Variants in ELAVL2 observed in about 807,000 individuals in gnomAD.
ELAVL2 encodes the protein ELAV like RNA binding protein 2.
In ELAVL2, 4 loss-of-function variants were observed where a neutral mutation model predicts 34.6. The observed-to-expected ratio is 0.12, with a 90% CI of 0.06 to 0.26. The LOEUF (loss-of-function observed/expected upper bound fraction) is 0.26, where lower values mean the gene tolerates loss of function less well. Ranked by LOEUF, ELAVL2 falls within the 10% of genes least tolerant of loss-of-function variation. ELAVL2 has a pLI of 1.00. For missense variants in ELAVL2, 432 were observed against 442.8 expected, an observed-to-expected ratio of 0.98 and a Z score of 0.22; for synonymous variants, 193 against 154.8, an observed-to-expected ratio of 1.25 and a Z score of -1.83.
At chr9:23,728,963 G>A (rs1347369416) in intron 3 of ELAVL2, among the ~76,000 whole-genome samples, 3 of 152,094 alleles carry the variant, frequency 2.0e-5, no homozygotes, top group African/African-American at 7.2e-5. Flanking sequence ...ATCAGAAACT[G>A]ATGTCACACT....
intron 1 of ELAVL2, among the ~76,000 whole-genome samples, chr9:23,808,548 A>C (rs1344051093): frequency 6.6e-6 from 1 of 152,166 alleles, no homozygotes; most frequent in East Asian, 1.9e-4. Context: ...AAGGACAATC[A>C]AAAAGAGCAA....
rs781639584 is a variant in ELAVL2 at position 23,692,248 on chromosome 9, G to C, written c.*309C>G. The stretch of plus-strand genomic sequence containing the variant: ...CAGGTTCAAGGCAGTTATGTAAAAA[G>C]AAAAGAAATGTCTTCCCTTAGCTGA... On this transcript the variant is annotated 3_prime_UTR_variant, in exon 7 of 7. Coordinates refer to ENST00000397312, the MANE Select transcript of ELAVL2 (RefSeq NM_004432.5). 4.3e-6 allele frequency: 1 copy of C among 234,748 alleles called. No individual in the cohort carries two copies. The highest frequency in any genetic ancestry group is 8.4e-6 in the Non-Finnish European group (1 of 119,730). The allele number at this position is 234,748 out of a possible 1,614,324, so 14.5% of individuals were successfully genotyped here.
At chr9:23,738,420 C>T (rs1313161999) in intron 2 of ELAVL2, among the ~76,000 whole-genome samples, 1 of 152,194 alleles carries the variant, frequency 6.6e-6, no homozygotes, top group Non-Finnish European at 1.5e-5. Flanking sequence ...TTGCTGCCCT[C>T]TAATGAGTAA....
Position 23,757,591 on chromosome 9 carries a change from C to A in ELAVL2, c.229+4415G>T, listed in dbSNP as rs139685655. The stretch of plus-strand genomic sequence containing the variant: ...TCGTTCATCTAGAATGCAGCATCAG[C>A]AGGTGTCAAGGACTCCCAAGTGCAT... On this transcript the variant is annotated intron_variant, in intron 2 of 6. Transcript: ENST00000397312. Among the ~76,000 whole-genome samples, 252 of 151,690 alleles carry A rather than the reference C, an allele frequency of 1.7e-3. 1 individual carries two copies. Among genetic ancestry groups the A allele is most frequent in the African/African-American group, 5.9e-3 (244 of 41,410 alleles).
intron 5 of ELAVL2, among the ~76,000 whole-genome samples, chr9:23,699,630 A>C (rs371644753): frequency 6.6e-6 from 1 of 152,022 alleles, no homozygotes; most frequent in African/African-American, 2.4e-5. Context: ...TTTGCAATTT[A>C]AAAAAGTATA....
intron 3 of ELAVL2, among the ~76,000 whole-genome samples, chr9:23,705,526 A>G (rs1304619526): frequency 2.0e-5 from 3 of 152,240 alleles, no homozygotes; most frequent in Non-Finnish European, 4.4e-5. Context: ...ACTGTTCACA[A>G]TAATAGGCTG....
At chr9:23,725,463 A>G (rs922020337) in intron 3 of ELAVL2, among the ~76,000 whole-genome samples, 14 of 152,216 alleles carry the variant, frequency 9.2e-5, no homozygotes, top group African/African-American at 2.9e-4. Context: ...GTATTTTAAC[A>G]GAGGACCTAC....
chr9:23,754,577 G>C lies in ELAVL2; in HGVS notation c.229+7429C>G, dbSNP rs556898858. Among the ~76,000 whole-genome samples, 7 of 152,190 alleles carry C rather than the reference G, an allele frequency of 4.6e-5. No individual in the cohort carries two copies. In the South Asian group the frequency reaches 1.5e-3, roughly 32 times the overall value. On this transcript the variant is annotated intron_variant, in intron 2 of 6. Transcript: ENST00000397312. Reference sequence around the variant, plus strand: ...GGGTTCAAGCAATTCTCCCACCTCAGCCTTGTGAGTACCTGGGACTACAGG... The same window carrying C: ...GGGTTCAAGCAATTCTCCCACCTCACCCTTGTGAGTACCTGGGACTACAGG...
intron 3 of ELAVL2, among the ~76,000 whole-genome samples, chr9:23,708,274 TCAC>T (rs989078375): frequency 6.6e-6 from 1 of 152,210 alleles, no homozygotes; most frequent in Non-Finnish European, 1.5e-5. Flanking sequence ...TTATGAGACT[TCAC>T]CATTTACAAG....
At chr9:23,761,176 A>T (rs1422715304) in intron 2 of ELAVL2, among the ~76,000 whole-genome samples, 1 of 152,076 alleles carries the variant, frequency 6.6e-6, no homozygotes, top group Non-Finnish European at 1.5e-5. Context: ...GCAATTTGGT[A>T]TACACTATCA....
intron 2 of ELAVL2, among the ~76,000 whole-genome samples, chr9:23,751,166 G>T (rs1007368907): frequency 6.6e-6 from 1 of 152,006 alleles, no homozygotes; most frequent in African/African-American, 2.4e-5. Context: ...TACAGGACTT[G>T]TACGCCATAC....
At chr9:23,813,951 A>G (rs1319276415) in intron 1 of ELAVL2, among the ~76,000 whole-genome samples, 1 of 152,194 alleles carries the variant, frequency 6.6e-6, no homozygotes, top group Admixed American at 6.5e-5. Flanking sequence ...CAAACAAACC[A>G]AGGTCAAAGT....
In ELAVL2 at chr9:23,693,589, C is replaced by T. The variant is rs372271924; in HGVS notation, c.714-103G>A. 29 of 1,355,404 alleles carry T rather than the reference C, an allele frequency of 2.1e-5. No homozygotes were observed. In the African/African-American group the frequency reaches 2.7e-4, roughly 13 times the overall value. The allele number at this position is 1,355,404 out of a possible 1,614,324, so 84.0% of individuals were successfully genotyped here. A position where few individuals can be genotyped will look rare whatever the true frequency, so the allele number is the denominator to read the frequency against. On this transcript the variant is annotated intron_variant, in intron 5 of 6. Coordinates refer to ENST00000397312, the MANE Select transcript of ELAVL2 (RefSeq NM_004432.5). Reference sequence around the variant, plus strand: ...CATCTTCCGAGGGGATATCTGTACACTGATTATATGTGAAGACTCAGAATG... The same window carrying T: ...CATCTTCCGAGGGGATATCTGTACATTGATTATATGTGAAGACTCAGAATG...
At chr9:23,751,436 G>C (rs1020796771) in intron 2 of ELAVL2, among the ~76,000 whole-genome samples, 1 of 152,124 alleles carries the variant, frequency 6.6e-6, no homozygotes, top group Non-Finnish European at 1.5e-5. Flanking sequence ...TGCTTTAGAT[G>C]TTTTCAATGA....
intron 1 of ELAVL2, among the ~76,000 whole-genome samples, chr9:23,774,378 A>T (rs979308823): frequency 6.6e-6 from 1 of 152,036 alleles, no homozygotes; most frequent in Non-Finnish European, 1.5e-5. Context: ...AAGACTGTGG[A>T]CAGAAAGTAC....
At chr9:23,731,443 AAAT>A (rs2046525419) in intron 2 of ELAVL2, among the ~76,000 whole-genome samples, 2 of 152,176 alleles carry the variant, frequency 1.3e-5, no homozygotes, top group Non-Finnish European at 2.9e-5. Context: ...CTGTGGGGAT[AAAT>A]CTCTGTGCTA....
chr9:23,771,737 A>G (rs2057342934), intron 1 of ELAVL2, among the ~76,000 whole-genome samples: 1 of 152,206 alleles, frequency 6.6e-6, no homozygotes. Context: ...GCTCTCCCCA[A>G]AAGTTTAAAA....
At chr9:23,725,758 C>T (rs577566231) in intron 3 of ELAVL2, among the ~76,000 whole-genome samples, 1 of 152,126 alleles carries the variant, frequency 6.6e-6, no homozygotes, top group Admixed American at 6.6e-5. Context: ...ATTATTCTCT[C>T]TTCAGGAGAG....
chr9:23,796,931 T>C (rs2061001274), intron 1 of ELAVL2, among the ~76,000 whole-genome samples: 1 of 152,180 alleles, frequency 6.6e-6, no homozygotes. Flanking sequence ...ATAGTAAGGA[T>C]GCATTTGAGA....
Sources: allele counts gnomAD v4.1 joint callset (sites outside exome capture counted in the v4.1 genomes callset), GRCh38; gene constraint gnomAD v4.1.1; transcripts MANE v1.5; gene names NCBI Gene and HGNC (gene_info 2026-07-23, HGNC 2026-07-21).